Variants in TRIM16 observed in about 807,000 individuals in gnomAD.
TRIM16 encodes the protein tripartite motif containing 16, also known as tripartite motif-containing protein 16.
In TRIM16, 33 loss-of-function variants were observed where a neutral mutation model predicts 50.4. The observed-to-expected ratio is 0.65, with a 90% confidence interval of 0.50 to 0.88. The LOEUF (loss-of-function observed/expected upper bound fraction) is 0.88. TRIM16 is among the 40% of genes least tolerant of loss of function. The pLI is 0.00. For missense variants in TRIM16, 581 were observed against 686.8 expected (o/e 0.85, Z 1.72); for synonymous variants, 229 against 270.7 (o/e 0.85, Z 1.51).
At chr17:15,630,073 T>C (rs953975727) in intron 11 of TRIM16, among the ~76,000 whole-genome samples, 2 of 152,206 alleles carry the variant, frequency 1.3e-5, no homozygotes, top group Admixed American at 6.5e-5. Context: ...TGCCCTGGCC[T>C]ACCAGGCCCC....
At chr17:15,634,647 CAAAT>C (rs768309520) in intron 9 of TRIM16, among the ~76,000 whole-genome samples, 6 of 109,856 alleles carry the variant, frequency 5.5e-5, no homozygotes, top group Non-Finnish European at 1.2e-4. Context: ...AAAAAAAAAA[CAAAT>C]AAAAATAAAA....
rs567565126 is a variant in TRIM16, at chr17:15,645,266, A to G, written c.520-2450T>C. ...AACTTTGTATAGTACCAGGGACATT[A>G]TTAATGAGCTCCATAAATGTCAGTG... On this transcript the variant is annotated intron_variant, in intron 7 of 11. Transcript: ENST00000649191. Among the ~76,000 whole-genome samples, 643 of 152,334 alleles carry G rather than the reference A, an allele frequency of 4.2e-3. 5 individuals are homozygous for G. Among genetic ancestry groups the G allele is most frequent in the Admixed American group, 0.015 (234 of 15,302 alleles).
intron 7 of TRIM16, among the ~76,000 whole-genome samples, chr17:15,643,981 A>T (rs1272243477): frequency 6.6e-6 from 1 of 152,026 alleles, no homozygotes; most frequent in Non-Finnish European, 1.5e-5. Flanking sequence ...TTTCCACATG[A>T]AGCCATTCTC....
chr17:15,638,294 CG>C (rs1986948023), intron 8 of TRIM16, among the ~76,000 whole-genome samples: 1 of 141,736 alleles, frequency 7.1e-6, no homozygotes, highest in Non-Finnish European at 1.5e-5. Flanking sequence ...TGTAGACAGC[CG>C]GGTGCGGTGG....
At chr17:15,674,049 G>A (rs993748172) in intron 6 of TRIM16, among the ~76,000 whole-genome samples, 1 of 152,112 alleles carries the variant, frequency 6.6e-6, no homozygotes, top group African/African-American at 2.4e-5. Context: ...AGGGGAGATG[G>A]AAAAAGCAAA....
Position 15,651,559 on chromosome 17 carries a change from A to G in TRIM16, c.51T>C (p.Ala17=). ...CTGGGCTGAGAGGGGCTGGGGGCTG[A>G]GCAGTGGCCCTGGGCAGTGGCCCTG... ...MAPGPLPRAT[A]QPPAPLSPDS... Residue 17 remains alanine, a synonymous_variant, in exon 7 of 12, where the codon GCT becomes GCC. Transcript: ENST00000649191. The G allele has an allele frequency of 6.2e-7, 1 of 1,614,004 alleles. No homozygotes were observed. The highest frequency in any genetic ancestry group is 8.5e-7 in the Non-Finnish European group (1 of 1,179,934).
rs763522295 is a variant in TRIM16, at chr17:15,636,154, G to A, written c.731C>T (p.Ala244Val). 6.2e-6 allele frequency: 10 copies of A among 1,609,764 alleles called. No individual in the cohort carries two copies. The highest frequency in any genetic ancestry group is 1.4e-5 in the African/African-American group (1 of 73,676). The change falls in exon 9 of 12, where the codon GCG (alanine) becomes GTG (valine). Residue 244 changes from alanine (A) to valine (V), a missense_variant. Physicochemically the swap from Ala to Val is moderately conservative, Grantham distance 64 (BLOSUM62 0). This residue lies in a region of TRIM16 where 450 missense variants were observed against 544.3 expected (regional missense o/e 0.83). Transcript: ENST00000649191. ...CTTGATACCGTTGGCCTGGCTCAGC[G>A]CAGCTTGCTCCTTCTCCTCTAAGAA... is the stretch of plus-strand genomic sequence containing the variant. ...MLFLEEKEQAALSQANGIKAH... is the reference protein window; with the variant it reads ...MLFLEEKEQAVLSQANGIKAH...
intron 7 of TRIM16, among the ~76,000 whole-genome samples, chr17:15,649,225 T>G (rs779215844): frequency 6.6e-6 from 1 of 152,182 alleles, no homozygotes; most frequent in Non-Finnish European, 1.5e-5. Flanking sequence ...AACGGAGGTT[T>G]GGTGATCTGG....
At chr17:15,664,014 A>G (rs1410734504) in intron 6 of TRIM16, among the ~76,000 whole-genome samples, 1 of 152,242 alleles carries the variant, frequency 6.6e-6, no homozygotes, top group East Asian at 1.9e-4. Flanking sequence ...AATGGGGTTT[A>G]AAAATGAAGT....
At chr17:15,647,359 C>T (rs562014113) in intron 7 of TRIM16, among the ~76,000 whole-genome samples, 281 of 152,362 alleles carry the variant, frequency 1.8e-3, no homozygotes, top group Non-Finnish European at 3.0e-3. Flanking sequence ...GCCAGTTAAC[C>T]GCTCCCCAGA....
At chr17:15,670,096 C>T (rs1988664523) in intron 6 of TRIM16, among the ~76,000 whole-genome samples, 1 of 152,222 alleles carries the variant, frequency 6.6e-6, no homozygotes, top group Non-Finnish European at 1.5e-5. Flanking sequence ...AGATAATTCC[C>T]TCATGTCAGT....
Position 15,636,254 on chromosome 17 carries a change from C to T in TRIM16, c.631G>A (p.Val211Ile). The change falls in exon 9 of 12, where the codon GTC becomes ATC. Residue 211 changes from valine to isoleucine, a missense_variant. Around this residue, in one of 3 missense-constraint regions of TRIM16, gnomAD observed 450 missense variants for 544.3 expected, o/e 0.83. Transcript: ENST00000649191. The part of the protein sequence containing the change: ...QKSVLVSVSE[V>I]KAVAEMQFGE... ...AACTGCATTTCAGCCACCGCTTTGA[C>T]CTCTGACACCGACACCTGGCAGGGG... is the stretch of plus-strand genomic sequence containing the variant. The T allele has an allele frequency of 1.2e-6, 2 of 1,608,584 alleles. No homozygotes were observed. Among genetic ancestry groups the T allele is most frequent in the Non-Finnish European group, 1.7e-6 (2 of 1,178,124 alleles).
intron 6 of TRIM16, among the ~76,000 whole-genome samples, chr17:15,653,924 C>G (rs934863137): frequency 6.6e-6 from 1 of 152,146 alleles, no homozygotes; most frequent in Non-Finnish European, 1.5e-5. Flanking sequence ...GAGCTTTCTA[C>G]AGTTTTCCCT....
At chr17:15,679,575 T>C (rs1276626877) in intron 4 of TRIM16, among the ~76,000 whole-genome samples, 1 of 152,190 alleles carries the variant, frequency 6.6e-6, no homozygotes, top group Non-Finnish European at 1.5e-5. Context: ...CCAAGCCTAT[T>C]GTTTAGCCGG....
In TRIM16 at chr17:15,651,761, T is replaced by C; in HGVS notation, c.-152A>G. Reference sequence around the variant, plus strand: ...CTCCCAGAGGAAGCTCGGCCACTCATTACTGTGTGCTGGCGCTGGATGGCA... The same window carrying C: ...CTCCCAGAGGAAGCTCGGCCACTCACTACTGTGTGCTGGCGCTGGATGGCA... On this transcript the variant is annotated 5_prime_UTR_variant, in exon 7 of 12. It removes an upstream start codon present in the reference 5' UTR. Coordinates refer to ENST00000649191, the MANE Select transcript of TRIM16 (RefSeq NM_001348119.1). The C allele has an allele frequency of 1.3e-6, 2 of 1,500,522 alleles. No individual in the cohort carries two copies. The highest frequency in any genetic ancestry group is 8.8e-7 in the Non-Finnish European group (1 of 1,130,058). The allele number at this position is 1,500,522 out of a possible 1,614,324, so 93.0% of individuals were successfully genotyped here.
intron 9 of TRIM16, among the ~76,000 whole-genome samples, chr17:15,633,401 T>C (rs1310294141): frequency 6.6e-6 from 1 of 151,130 alleles, no homozygotes; most frequent in Non-Finnish European, 1.5e-5. Context: ...TGCTATATAC[T>C]GTACATGACA....
chr17:15,683,683 T>C (rs900046318), intron 1 of TRIM16: 5 of 155,778 alleles, frequency 3.2e-5, no homozygotes, highest in African/African-American at 1.2e-4. Flanking sequence ...TAATAGTAGG[T>C]ACAACAAACC....
chr17:15,650,018 G>A (rs577741406), intron 7 of TRIM16, among the ~76,000 whole-genome samples: 191 of 152,268 alleles, frequency 1.3e-3, no homozygotes, highest in Non-Finnish European at 1.9e-3. Flanking sequence ...TTCCCGGGCC[G>A]GAAACAGTGA....
At chr17:15,653,903 C>T (rs1987847421) in intron 6 of TRIM16, among the ~76,000 whole-genome samples, 1 of 152,096 alleles carries the variant, frequency 6.6e-6, no homozygotes, top group Admixed American at 6.5e-5. Flanking sequence ...GTACCTGAAC[C>T]CCAAATTCTA....
Sources: gnomAD v4.1 joint callset for allele counts (sites outside exome capture counted in the v4.1 genomes callset) on GRCh38, gnomAD v4.1.1 for gene constraint, gnomAD v4.1.1 regional missense constraint, MANE v1.5 for transcripts, NCBI Gene and HGNC (gene_info 2026-07-23, HGNC 2026-07-21) for gene names.